The following ATXN1 variants were observed in gnomAD, a reference collection of about 807,000 sequenced individuals.
The protein encoded by ATXN1 is ataxin-1.
Under a neutral mutation model 56.4 loss-of-function variants are expected in ATXN1, and 8 were observed. That is an observed-to-expected ratio of 0.14 (90% CI 0.08 to 0.26). The LOEUF (loss-of-function observed/expected upper bound fraction) is 0.26. Among genes scored for constraint, ATXN1 ranks in the 10% least tolerant of loss-of-function variants. The pLI is 1.00. For synonymous variants in ATXN1, 514 were observed against 494.6 expected, an observed-to-expected ratio of 1.04 and a Z score of -0.52; for missense variants, 987 against 1,106.5, an observed-to-expected ratio of 0.89 and a Z score of 1.53.
intron 3 of ATXN1, among the ~76,000 whole-genome samples, chr6:16,629,087 A>G (rs1200844639): frequency 8.3e-6 from 1 of 121,112 alleles, no homozygotes; most frequent in Non-Finnish European, 1.6e-5. Context: ...ACACTCACCA[A>G]CAGTGTATAA....
chr6:16,555,718 T>C (rs1762000467), intron 4 of ATXN1, among the ~76,000 whole-genome samples: 1 of 152,236 alleles, frequency 6.6e-6, no homozygotes, highest in Admixed American at 6.5e-5. Flanking sequence ...AATTGTGTAG[T>C]GTGTCCCAAG....
intron 6 of ATXN1, among the ~76,000 whole-genome samples, chr6:16,362,685 C>T (rs984053012): frequency 6.6e-6 from 1 of 152,182 alleles, no homozygotes; most frequent in Non-Finnish European, 1.5e-5. Context: ...GTGTTCAGAT[C>T]ATTCTTTGCA....
At chr6:16,715,752 T>C (rs923573282) in intron 2 of ATXN1, among the ~76,000 whole-genome samples, 1 of 152,192 alleles carries the variant, frequency 6.6e-6, no homozygotes, top group Non-Finnish European at 1.5e-5. Context: ...AATCTACAGA[T>C]TAGAAAACCC....
rs919793286 is a variant in ATXN1, at chr6:16,634,138, A to G, written c.-489+23638T>C. On this transcript the variant is annotated intron_variant, in intron 3 of 7. Transcript: ENST00000436367. ...GCCCTTTTGTCTTCTTTATACAATC[A>G]CTACTCTTTCTTCTTAGAAAACACA... Among the ~76,000 whole-genome samples the G allele has an allele frequency of 5.3e-5, 8 of 152,264 alleles. No individual in the cohort carries two copies. The South Asian group carries it at 1.7e-3, about 32-fold the overall frequency.
At chr6:16,316,892 T>TTTTTTTTTTTTTTTTTA in intron 7 of ATXN1, among the ~76,000 whole-genome samples, 1 of 129,620 alleles carries the variant, frequency 7.7e-6, no homozygotes, top group Non-Finnish European at 1.7e-5. Flanking sequence ...TTTTTTTTTT[T>TTTTTTTTTTTTTTTTTA]AACCAGCCAG....
intron 3 of ATXN1, among the ~76,000 whole-genome samples, chr6:16,610,522 C>T (rs1479522962): frequency 6.6e-6 from 1 of 151,868 alleles, no homozygotes; most frequent in African/African-American, 2.4e-5. Flanking sequence ...GCTCTAATGG[C>T]AAAGGGTTCT....
chr6:16,624,016 G>T (rs1280129196), intron 3 of ATXN1, among the ~76,000 whole-genome samples: 1 of 152,338 alleles, frequency 6.6e-6, no homozygotes, highest in Admixed American at 6.5e-5. Context: ...GGGAAAAGAA[G>T]AGTTGCTATT....
intron 2 of ATXN1, among the ~76,000 whole-genome samples, chr6:16,685,917 G>T (rs1758908172): frequency 3.9e-5 from 6 of 152,118 alleles, no homozygotes; most frequent in Admixed American, 1.3e-4. Context: ...TCTTAAAAAT[G>T]GAATATTTCC....
chr6:16,673,696 G>A (rs73367672), intron 2 of ATXN1, among the ~76,000 whole-genome samples: 1,819 of 152,144 alleles, frequency 0.012, 32 homozygotes, highest in African/African-American at 0.041. Flanking sequence ...CTGCTGCCCA[G>A]GCTGGAGTGT....
At chr6:16,312,385 C>T (rs1258362769) in intron 7 of ATXN1, among the ~76,000 whole-genome samples, 6 of 151,604 alleles carry the variant, frequency 4.0e-5, no homozygotes, top group South Asian at 4.2e-4. Flanking sequence ...AGCAAAAGAA[C>T]GAACATAACT....
In ATXN1 at chr6:16,327,699, C is replaced by CTGA. The variant is rs1554138071; in HGVS notation, c.611_612insTCA (p.Gln203_Gln204insHis). 3.4e-5 allele frequency: 54 copies of CTGA among 1,596,130 alleles called. No homozygotes were observed. The highest frequency in any genetic ancestry group is 4.2e-5 in the Non-Finnish European group (49 of 1,175,856). ...GCTGATGCTGATGCTGCTGCTGCTG[C>CTGA]TGCTGCTGCTGCTGCTGCTGCTGCT... On this transcript the variant is annotated inframe_insertion, in exon 7 of 8. Coordinates refer to ENST00000436367, the MANE Select transcript of ATXN1 (RefSeq NM_001128164.2).
intron 3 of ATXN1, among the ~76,000 whole-genome samples, chr6:16,591,423 C>T (rs1172557963): frequency 6.6e-6 from 1 of 152,112 alleles, no homozygotes; most frequent in Non-Finnish European, 1.5e-5. Context: ...TTAATTTGAT[C>T]ATTTTTATTT....
At chr6:16,635,662 T>C (rs1322469378) in intron 3 of ATXN1, among the ~76,000 whole-genome samples, 1 of 152,258 alleles carries the variant, frequency 6.6e-6, no homozygotes, top group Non-Finnish European at 1.5e-5. Context: ...ACAGTCGTTA[T>C]CTGATTCTTT....
At chr6:16,695,805 AT>A (rs1226395591) in intron 2 of ATXN1, among the ~76,000 whole-genome samples, 1 of 152,164 alleles carries the variant, frequency 6.6e-6, no homozygotes, top group African/African-American at 2.4e-5. Flanking sequence ...CAAAAAATAA[AT>A]TAAAAACAAA....
At chr6:16,457,408 C>T (rs1023080780) in intron 6 of ATXN1, among the ~76,000 whole-genome samples, 16 of 151,418 alleles carry the variant, frequency 1.1e-4, no homozygotes, top group Middle Eastern at 3.4e-3. Context: ...AAACTGCAGG[C>T]GGTTTTTTCT....
At chr6:16,528,900 C>T (rs181572398) in intron 4 of ATXN1, among the ~76,000 whole-genome samples, 17 of 152,240 alleles carry the variant, frequency 1.1e-4, no homozygotes, top group South Asian at 4.1e-4. Context: ...CACTTGCAGC[C>T]GGGCACAGTG....
rs1760018501 is a variant in ATXN1, at chr6:16,299,219, C to T, written c.*7110G>A. On this transcript the variant is annotated 3_prime_UTR_variant, in exon 8 of 8. Transcript: ENST00000436367. ...AATTTTGTTCAAATTTTGAATCAAA[C>T]ATTGTTTTATTATAATAATGAAATA... 6.6e-6 allele frequency: 1 copy of T among 152,568 alleles called. No individual in the cohort carries two copies. Among genetic ancestry groups the T allele is most frequent in the East Asian group, 1.9e-4 (1 of 5,196 alleles). 9.5% of individuals were successfully genotyped at this position (152,568 alleles called of 1,614,324 possible).
At chr6:16,733,300 T>C (rs193183954) in intron 2 of ATXN1, among the ~76,000 whole-genome samples, 7 of 152,308 alleles carry the variant, frequency 4.6e-5, no homozygotes, top group Non-Finnish European at 8.8e-5. Flanking sequence ...GCAGCTCATG[T>C]CTGTAATCCC....
intron 6 of ATXN1, among the ~76,000 whole-genome samples, chr6:16,435,038 G>T (rs1051052852): frequency 6.6e-6 from 1 of 152,154 alleles, no homozygotes; most frequent in African/African-American, 2.4e-5. Context: ...AGGACTTGGT[G>T]ACACATTAGA....
Sources: gnomAD v4.1 joint callset for allele counts (sites outside exome capture counted in the v4.1 genomes callset) on GRCh38, gnomAD v4.1.1 for gene constraint, MANE v1.5 for transcripts, NCBI Gene and HGNC (gene_info 2026-07-23, HGNC 2026-07-21) for gene names.